The following PSG2 variants were observed in gnomAD, a reference collection of about 807,000 sequenced individuals.
PSG2 encodes pregnancy-specific beta-1-glycoprotein 2.
Under a neutral mutation model 36.2 loss-of-function variants are expected in PSG2, and 49 were observed. That is an observed-to-expected ratio of 1.35 (90% confidence interval 1.08 to 1.72). The LOEUF (loss-of-function observed/expected upper bound fraction) is 1.72, where lower values mean the gene tolerates loss of function less well. PSG2 is among the 40% of genes most tolerant of loss of function. The pLI is 0.00. For missense variants in PSG2, 605 were observed against 407.2 expected, an observed-to-expected ratio of 1.49 and a Z score of -4.18; for synonymous variants, 261 against 155.6, an observed-to-expected ratio of 1.68 and a Z score of -5.04.
intron 3 of PSG2, chr19:43,072,404 A>G (rs1375450935): frequency 6.2e-7 from 1 of 1,612,602 alleles, no homozygotes; most frequent in Non-Finnish European, 8.5e-7. Flanking sequence ...TCGGTCCCGT[A>G]TTTCACATTC....
chr19:43,081,611 C>T (rs1369864622), intron 1 of PSG2, among the ~76,000 whole-genome samples: 2 of 151,574 alleles, frequency 1.3e-5, no homozygotes, highest in Admixed American at 6.6e-5. Context: ...CCTTCAGAGA[C>T]CCTGGGTCTT....
At chr19:43,078,786 ATT>A (rs879554049) in intron 2 of PSG2, among the ~76,000 whole-genome samples, 3 of 151,484 alleles carry the variant, frequency 2.0e-5, no homozygotes, top group Admixed American at 6.6e-5. Context: ...CATTTCAATA[ATT>A]TTTTTGTGTG....
At position 43,081,018 on chromosome 19, in the gene PSG2, C is replaced by T. The variant is rs150218743; in HGVS notation, c.293G>A (p.Arg98Gln). 7 of 1,613,064 alleles carry T rather than the reference C, an allele frequency of 4.3e-6. No homozygotes were observed. Among genetic ancestry groups the T allele is most frequent in the African/African-American group, 4.0e-5 (3 of 74,444 alleles). ...IIIYGPAYSGRETAYSNASLL... is the reference protein window; with the variant it reads ...IIIYGPAYSGQETAYSNASLL... Reference sequence around the variant, plus strand: ...GGATGCATTGGAATATGCTGTTTCTCGTCCACTATATGCAGGCCCATATAT... The same window carrying T: ...GGATGCATTGGAATATGCTGTTTCTTGTCCACTATATGCAGGCCCATATAT... Residue 98 changes from arginine (R) to glutamine (Q), a missense_variant, in exon 2 of 6, where the codon CGA (arginine) becomes CAA (glutamine). Coordinates refer to ENST00000406487, the MANE Select transcript of PSG2 (RefSeq NM_031246.4).
In PSG2 at chr19:43,075,340, C is replaced by T. The variant is rs760876253; in HGVS notation, c.709+14G>A. The T allele has an allele frequency of 8.1e-6, 13 of 1,613,048 alleles. No individual in the cohort carries two copies. The highest frequency in any genetic ancestry group is 1.1e-5 in the Non-Finnish European group (13 of 1,179,626). On this transcript the variant is annotated intron_variant, in intron 3 of 5. Transcript: ENST00000406487. ...GATGGCAGTCTGGCCCACAGAGGAA[C>T]AGAAGATACTCACGGAGGAGATTCA...
chr19:43,067,286 C>T (rs1165949506), intron 4 of PSG2, among the ~76,000 whole-genome samples: 16 of 151,366 alleles, frequency 1.1e-4, no homozygotes, highest in Admixed American at 6.6e-5. Context: ...TCACAGATGT[C>T]TTCCCTGATA....
At chr19:43,082,122 CTTTTTTTTTTTTTTTTTTTTT>C (rs71169213) in intron 1 of PSG2, 6 of 67,974 alleles carry the variant, frequency 8.8e-5, no homozygotes, top group Admixed American at 5.1e-4. Context: ...TTTCTTCTCT[CTTTTTTTTTTTTTTTTTTTTT>C]TTTTTTTTTT....
intron 4 of PSG2, among the ~76,000 whole-genome samples, chr19:43,068,101 A>G (rs1048864997): frequency 1.3e-5 from 2 of 151,426 alleles, no homozygotes; most frequent in African/African-American, 4.9e-5. Flanking sequence ...AACTAGATTG[A>G]CTAAGAAAAA....
intron 3 of PSG2, among the ~76,000 whole-genome samples, chr19:43,073,235 T>C (rs955392033): frequency 9.9e-5 from 15 of 151,734 alleles, no homozygotes; most frequent in African/African-American, 3.6e-4. Context: ...TTTTTGCAGG[T>C]GTTTCATGAT....
chr19:43,080,693 C>T lies in PSG2; in HGVS notation c.430+188G>A, dbSNP rs572096912. ...AGCGAGTGTCTGCAGGGTCTGGATG[C>T]GGGAAAGGAATTCTGATCTGTTGAA... On this transcript the variant is annotated intron_variant, in intron 2 of 5. Coordinates refer to ENST00000406487, the MANE Select transcript of PSG2 (RefSeq NM_031246.4). 2.5e-4 allele frequency among the ~76,000 whole-genome samples: 38 copies of T among 151,626 alleles called. No individual in the cohort carries two copies. The East Asian group carries it at 2.5e-3, about 10-fold the overall frequency.
chr19:43,076,811 T>A (rs1297068816), intron 2 of PSG2, among the ~76,000 whole-genome samples: 1 of 141,894 alleles, frequency 7.0e-6, no homozygotes, highest in Non-Finnish European at 1.5e-5. Context: ...TAAAACAAAG[T>A]GTTTTGGATT....
intron 3 of PSG2, among the ~76,000 whole-genome samples, chr19:43,074,483 T>C (rs773398803): frequency 2.6e-5 from 4 of 151,760 alleles, no homozygotes; most frequent in Non-Finnish European, 4.4e-5. Context: ...CTTTCCTTAA[T>C]TTCCTTTCAG....
intron 2 of PSG2, among the ~76,000 whole-genome samples, chr19:43,078,428 A>G (rs564696444): frequency 1.8e-4 from 27 of 151,838 alleles, no homozygotes; most frequent in Admixed American, 1.4e-3. Flanking sequence ...GATCCTATAG[A>G]TAACATCACT....
intron 4 of PSG2, among the ~76,000 whole-genome samples, chr19:43,069,531 A>C (rs1286302762): frequency 2.6e-5 from 4 of 151,888 alleles, no homozygotes; most frequent in East Asian, 3.9e-4. Context: ...AATGAAGTAT[A>C]ATAGCCCAGA....
chr19:43,072,042 A>T, intron 3 of PSG2, 88 bp from the exon 4 acceptor site: 1 of 1,519,700 alleles, frequency 6.6e-7, no homozygotes, highest in East Asian at 2.3e-5. Flanking sequence ...TGACCCTCTG[A>T]GACAAGACAC....
chr19:43,075,670 A>G (rs1261010695), intron 2 of PSG2, 38 bp from the exon 3 acceptor site: 4 of 1,585,268 alleles, frequency 2.5e-6, no homozygotes, highest in Admixed American at 1.8e-5. Flanking sequence ...CCTGTGTGGC[A>G]CCTTTGATTC....
chr19:43,069,192 T>C (rs1967783232), intron 4 of PSG2, among the ~76,000 whole-genome samples: 1 of 150,802 alleles, frequency 6.6e-6, no homozygotes, highest in Non-Finnish European at 1.5e-5. Context: ...CTACAAAATA[T>C]GGCTGAAAGA....
At chr19:43,078,126 A>G (rs1411954150) in intron 2 of PSG2, among the ~76,000 whole-genome samples, 2 of 151,790 alleles carry the variant, frequency 1.3e-5, no homozygotes, top group Non-Finnish European at 1.5e-5. Context: ...GGCTGACTCC[A>G]TCTGGCATCT....
chr19:43,082,520 C>T lies in PSG2; in HGVS notation c.50G>A (p.Gly17Glu). 6.2e-7 allele frequency: 1 copy of T among 1,612,032 alleles called. No homozygotes were observed. Among genetic ancestry groups the T allele is most frequent in the Non-Finnish European group, 8.5e-7 (1 of 1,179,084 alleles). The change falls in exon 1 of 6, where the codon GGG (glycine) becomes GAG (glutamate). Residue 17 changes from glycine (G) to glutamate (E), a missense_variant. Transcript: ENST00000406487. Reference sequence around the variant, plus strand: ...TCTCTCCTCACCTGTGACCAGGAGCCCCTTCCATTTGATGTGCTCTGTGCA... The same window carrying T: ...TCTCTCCTCACCTGTGACCAGGAGCTCCTTCCATTTGATGTGCTCTGTGCA... Reference protein sequence around the residue: ...PPCTEHIKWKGLLVTASLLNF... With the variant: ...PPCTEHIKWKELLVTASLLNF...
intron 1 of PSG2, chr19:43,082,122 CTTTTTTTTTTTTTTT>C (rs71169213): frequency 1.1e-3 from 74 of 68,010 alleles, no homozygotes; most frequent in Non-Finnish European, 1.3e-3. Context: ...TTTCTTCTCT[CTTTTTTTTTTTTTTT>C]TTTTTTTTTT....
Sources: allele counts gnomAD v4.1 joint callset (sites outside exome capture counted in the v4.1 genomes callset), GRCh38; gene constraint gnomAD v4.1.1; transcripts MANE v1.5; gene names NCBI Gene and HGNC (gene_info 2026-07-23, HGNC 2026-07-21).